UNC13C: variants seen among roughly 807,000 people sequenced by gnomAD.
UNC13C encodes the protein protein unc-13 homolog C.
UNC13C carries 174 observed loss-of-function variants against 245.4 expected under a neutral mutation model. The ratio of observed to expected loss-of-function variants is 0.71; its 90% confidence interval spans 0.63 to 0.80. The LOEUF is 0.80. Ranked by LOEUF, UNC13C falls within the 30% of genes least tolerant of loss-of-function variation. The pLI is 0.00. For missense variants in UNC13C, 2,829 were observed against 2,602.9 expected, an observed-to-expected ratio of 1.09 and a Z score of -1.89; for synonymous variants, 992 against 895.1, an observed-to-expected ratio of 1.11 and a Z score of -1.93.
intron 19 of UNC13C, among the ~76,000 whole-genome samples, chr15:54,438,451 T>A (rs1184050995): frequency 6.6e-6 from 1 of 152,000 alleles, no homozygotes; most frequent in Non-Finnish European, 1.5e-5. Context: ...AGCACATTTT[T>A]AAAATGTAGA....
chr15:54,346,565 G>A (rs2038863863), intron 17 of UNC13C, among the ~76,000 whole-genome samples: 1 of 152,202 alleles, frequency 6.6e-6, no homozygotes, highest in African/African-American at 2.4e-5. Context: ...CCTCCAGAGG[G>A]ATTTTGAAGA....
chr15:54,595,708 A>T (rs991597453), intron 30 of UNC13C, among the ~76,000 whole-genome samples: 1 of 152,184 alleles, frequency 6.6e-6, no homozygotes, highest in African/African-American at 2.4e-5. Flanking sequence ...ATTCCCTACC[A>T]CTTGTGCTAA....
chr15:54,383,558 A>G lies in UNC13C; in HGVS notation c.4714-9490A>G, dbSNP rs73417762. 7.9e-3 allele frequency among the ~76,000 whole-genome samples: 1,204 copies of G among 152,242 alleles called. 11 individuals carry two copies. Among genetic ancestry groups the G allele is most frequent in the African/African-American group, 0.028 (1,150 of 41,544 alleles). On this transcript the variant is annotated intron_variant, in intron 17 of 32. Transcript: ENST00000260323. ...CCATATATGATAAACCCACGCTAAC[A>G]TCATACTGAAGGGGGAGATTTGAAA... is the stretch of plus-strand genomic sequence containing the variant.
chr15:53,892,067 C>G, the UNC13C span, among the ~76,000 whole-genome samples: 1 of 152,130 alleles, frequency 6.6e-6, no homozygotes, highest in Non-Finnish European at 1.5e-5. Context: ...TACACCACCA[C>G]CAGGTGGTGA....
chr15:54,411,664 CTCTTG>C (rs1157835012), intron 18 of UNC13C, among the ~76,000 whole-genome samples: 1 of 152,114 alleles, frequency 6.6e-6, no homozygotes, highest in Non-Finnish European at 1.5e-5. Flanking sequence ...AGAGTAGCCA[CTCTTG>C]TCTTGTAGTT....
intron 17 of UNC13C, among the ~76,000 whole-genome samples, chr15:54,339,082 G>A (rs2141006048): frequency 6.6e-6 from 1 of 152,156 alleles, no homozygotes; most frequent in East Asian, 1.9e-4. Flanking sequence ...TGGCCAGGCT[G>A]GTCTTGAACT....
At chr15:54,574,993 T>C (rs774465011) in intron 30 of UNC13C, among the ~76,000 whole-genome samples, 15 of 152,266 alleles carry the variant, frequency 9.9e-5, no homozygotes, top group Non-Finnish European at 1.3e-4. Context: ...TTCTTTTTAT[T>C]GGTCATTTTT....
rs373057766 is a variant in UNC13C at position 54,338,511 on chromosome 15, TTA to T, written c.4713+25_4713+26del. On this transcript the variant is annotated intron_variant, in intron 17 of 32. Transcript: ENST00000260323. ...CCCGGTAAGAAAATATGTATGTCTT[TTA>T]TAATCGCCACTTTTGTTTCTAGTAT... 1.8e-5 allele frequency: 29 copies of T among 1,608,670 alleles called. 2 individuals carry two copies. Among genetic ancestry groups the T allele is most frequent in the African/African-American group, 1.6e-4 (12 of 74,978 alleles).
intron 7 of UNC13C, among the ~76,000 whole-genome samples, chr15:54,238,281 G>A (rs895998387): frequency 6.6e-6 from 1 of 151,970 alleles, no homozygotes; most frequent in Non-Finnish European, 1.5e-5. Context: ...CACCATGTTG[G>A]CCAGGATGGT....
chr15:54,544,013 T>C (rs1315390492), intron 26 of UNC13C, among the ~76,000 whole-genome samples: 1 of 152,162 alleles, frequency 6.6e-6, no homozygotes, highest in East Asian at 1.9e-4. Context: ...TTCAGGCCAA[T>C]ATCCCTGATG....
chr15:54,076,727 A>G (rs1176355408), intron 2 of UNC13C, among the ~76,000 whole-genome samples: 1 of 152,138 alleles, frequency 6.6e-6, no homozygotes, highest in Non-Finnish European at 1.5e-5. Context: ...CAACACACAA[A>G]TACACACCTT....
At chr15:54,045,530 T>G (rs1896999306) in intron 2 of UNC13C, among the ~76,000 whole-genome samples, 1 of 152,172 alleles carries the variant, frequency 6.6e-6, no homozygotes, top group South Asian at 2.1e-4. Flanking sequence ...TATTACCATG[T>G]GTGGTGGGGC....
chr15:53,849,914 TA>T, the UNC13C span, among the ~76,000 whole-genome samples: 1 of 152,206 alleles, frequency 6.6e-6, no homozygotes, highest in African/African-American at 2.4e-5. Flanking sequence ...GCCATGTGTT[TA>T]AAAAAATTAA....
Position 54,143,647 on chromosome 15 carries a change from G to A in UNC13C, c.3034G>A (p.Asp1012Asn), listed in dbSNP as rs370037627. 8.1e-6 allele frequency: 13 copies of A among 1,613,172 alleles called. No individual in the cohort carries two copies. The highest frequency in any genetic ancestry group is 3.3e-5 in the Admixed American group (2 of 59,948). The part of the protein sequence containing the change: ...KARIVSGNDL[D>N]ASKFSALQVC... ...TCGAATAGTAAGTGGCAATGATTTGGATGCTTCCAAATTTTCTGCACTCCA... is the reference window on the plus strand; with the variant it reads ...TCGAATAGTAAGTGGCAATGATTTGAATGCTTCCAAATTTTCTGCACTCCA... The change falls in exon 4 of 33, where the codon GAT becomes AAT. Residue 1012 changes from aspartate to asparagine, a missense_variant. Coordinates refer to ENST00000260323, the MANE Select transcript of UNC13C (RefSeq NM_001080534.3).
chr15:54,449,196 C>G (rs1007320144), intron 19 of UNC13C, among the ~76,000 whole-genome samples: 7 of 152,278 alleles, frequency 4.6e-5, no homozygotes, highest in African/African-American at 1.7e-4. Context: ...TTCTCTCTGG[C>G]TGCCCTTAAA....
intron 19 of UNC13C, among the ~76,000 whole-genome samples, chr15:54,471,191 A>G (rs1892443543): frequency 6.6e-6 from 1 of 151,516 alleles, no homozygotes; most frequent in Non-Finnish European, 1.5e-5. Context: ...GCTGTTGGAT[A>G]GAATATTCTG....
At chr15:54,322,300 T>G (rs1341275863) in intron 14 of UNC13C, among the ~76,000 whole-genome samples, 1 of 152,044 alleles carries the variant, frequency 6.6e-6, no homozygotes, top group Non-Finnish European at 1.5e-5. Context: ...TTAGATTGAA[T>G]CTTCATATCT....
At chr15:54,407,436 T>A (rs1167609248) in intron 18 of UNC13C, among the ~76,000 whole-genome samples, 1 of 152,100 alleles carries the variant, frequency 6.6e-6, no homozygotes, top group Admixed American at 6.6e-5. Context: ...AATTTAACTA[T>A]GAAATACGTA....
the UNC13C span, among the ~76,000 whole-genome samples, chr15:53,962,736 C>T: frequency 1.3e-5 from 2 of 152,164 alleles, no homozygotes; most frequent in Non-Finnish European, 2.9e-5. Flanking sequence ...TAGACTGGAG[C>T]AAATGCCATG....
Sources: allele counts gnomAD v4.1 joint callset (sites outside exome capture counted in the v4.1 genomes callset), GRCh38; gene constraint gnomAD v4.1.1; transcripts MANE v1.5; gene names NCBI Gene and HGNC (gene_info 2026-07-23, HGNC 2026-07-21).